KIF4A: variants seen among roughly 807,000 people sequenced by gnomAD.
KIF4A encodes chromosome-associated kinesin KIF4A.
A neutral mutation model predicts 105.9 loss-of-function variants in KIF4A; 7 were observed. The observed-to-expected ratio is 0.07, with a 90% CI of 0.04 to 0.12. The LOEUF (loss-of-function observed/expected upper bound fraction) is 0.12, where lower values mean the gene tolerates loss of function less well. Ranked by LOEUF, KIF4A falls within the 10% of genes least tolerant of loss-of-function variation. The probability of loss-of-function intolerance (pLI) is 1.00; values close to 1 mark genes in which losing one functional copy is unlikely to be tolerated. For missense variants in KIF4A, 558 were observed against 929.2 expected (o/e 0.60, Z 5.19); for synonymous variants, 281 against 331.3 (o/e 0.85, Z 1.65).
chrX:70,291,938 G>A (rs12558008), intron 3 of KIF4A, among the ~76,000 whole-genome samples: 2 of 111,640 alleles, frequency 1.8e-5, no homozygotes, highest in African/African-American at 6.5e-5. Context: ...CCTTCTTCTA[G>A]GCAACAGCTA....
chrX:70,338,388 G>A (rs972845165), intron 10 of KIF4A, among the ~76,000 whole-genome samples: 2 of 111,946 alleles, frequency 1.8e-5, no homozygotes, highest in Admixed American at 9.4e-5. Context: ...TAGACATTTC[G>A]TATACATGGA....
intron 20 of KIF4A, among the ~76,000 whole-genome samples, chrX:70,391,673 A>G (rs2086237968): frequency 9.1e-6 from 1 of 110,489 alleles, no homozygotes; most frequent in African/African-American, 3.3e-5. Flanking sequence ...TACATGGGTA[A>G]ATGGCATGTT....
intron 28 of KIF4A, among the ~76,000 whole-genome samples, chrX:70,411,093 G>T (rs1199789709): frequency 9.0e-6 from 1 of 111,490 alleles, no homozygotes; most frequent in Non-Finnish European, 1.9e-5. Flanking sequence ...GTCACATTTG[G>T]CAGAAAAGAG....
chrX:70,353,492 G>A (rs1205915867), intron 14 of KIF4A, 130 bp from the exon 15 acceptor site: 13 of 534,548 alleles, frequency 2.4e-5, no homozygotes, highest in Non-Finnish European at 3.3e-5. Context: ...ACAAATGTAT[G>A]CAGAGCCACT....
chrX:70,339,151 T>A (rs1025478419), intron 10 of KIF4A, among the ~76,000 whole-genome samples: 6 of 111,349 alleles, frequency 5.4e-5, no homozygotes, highest in Non-Finnish European at 1.1e-4. Flanking sequence ...TGTCGTTTTA[T>A]GTTTTACATT....
At chrX:70,309,183 G>A (rs2085839380) in intron 7 of KIF4A, among the ~76,000 whole-genome samples, 1 of 111,984 alleles carries the variant, frequency 8.9e-6, no homozygotes, top group Admixed American at 9.4e-5. Context: ...ACACCAAAAT[G>A]TCTGCCTCTT....
intron 7 of KIF4A, among the ~76,000 whole-genome samples, chrX:70,312,701 C>T (rs773537815): frequency 1.7e-4 from 19 of 111,628 alleles, no homozygotes; most frequent in African/African-American, 5.8e-4. Flanking sequence ...ATAACTATGT[C>T]TCATTTATTT....
intron 28 of KIF4A, 102 bp downstream of exon 28, chrX:70,407,177 G>A (rs1435647777): frequency 4.5e-6 from 4 of 890,830 alleles, no homozygotes; most frequent in South Asian, 2.7e-5. Context: ...GTGCATTCTC[G>A]GCTCACTGCA....
chrX:70,363,293 T>C (rs920642226), intron 15 of KIF4A, among the ~76,000 whole-genome samples: 4 of 110,774 alleles, frequency 3.6e-5, no homozygotes, highest in African/African-American at 1.3e-4. Context: ...GTGCACAACA[T>C]GCAGCTTTGT....
intron 25 of KIF4A, 138 bp from the exon 26 acceptor site, chrX:70,405,690 G>C: frequency 4.2e-6 from 2 of 475,488 alleles, no homozygotes; most frequent in Non-Finnish European, 7.6e-6. Context: ...CATTTTTCTG[G>C]GTGCCAGTGC....
intron 7 of KIF4A, among the ~76,000 whole-genome samples, chrX:70,304,073 A>C (rs1330886978): frequency 1.3e-5 from 1 of 77,691 alleles, no homozygotes; most frequent in Non-Finnish European, 2.5e-5. Context: ...ATATCTCCTA[A>C]TGCTATCCCT....
chrX:70,303,004 C>T (rs1034693681), intron 7 of KIF4A, among the ~76,000 whole-genome samples: 4 of 111,863 alleles, frequency 3.6e-5, no homozygotes, highest in African/African-American at 1.3e-4. Flanking sequence ...CTTGCTAAAT[C>T]CAGATACACC....
At chrX:70,374,496 A>G in intron 16 of KIF4A, among the ~76,000 whole-genome samples, 1 of 112,077 alleles carries the variant, frequency 8.9e-6, no homozygotes, top group Non-Finnish European at 1.9e-5. Flanking sequence ...TTAGGCAGTA[A>G]TTGTGTTAAG....
chrX:70,388,499 C>T (rs1280733602), intron 20 of KIF4A, among the ~76,000 whole-genome samples: 6 of 111,832 alleles, frequency 5.4e-5, no homozygotes, highest in Non-Finnish European at 9.4e-5. Context: ...TACCATTTTA[C>T]ATTCCTACTA....
At chrX:70,365,794 A>T (rs1280426466) in intron 15 of KIF4A, among the ~76,000 whole-genome samples, 6 of 111,477 alleles carry the variant, frequency 5.4e-5, no homozygotes, top group African/African-American at 2.0e-4. Context: ...TTTTCTATTG[A>T]TTGGAATAGT....
rs141326559 is a variant in KIF4A at position 70,290,520 on chromosome X, C to A, written c.62C>A (p.Pro21His). ...RVALRCRPLVPKEISEGCQMC... is the reference protein window; with the variant it reads ...RVALRCRPLVHKEISEGCQMC... The stretch of plus-strand genomic sequence containing the variant: ...GCGCTGCGTTGTCGCCCTCTGGTCC[C>A]CAAAGAGATTAGCGAGGGCTGCCAG... The change falls in exon 2 of 31, where the codon CCC (proline) becomes CAC (histidine). Residue 21 changes from proline to histidine, a missense_variant. Physicochemically the swap from Pro to His is moderately conservative, Grantham distance 77. Coordinates refer to ENST00000374403, the MANE Select transcript of KIF4A (RefSeq NM_012310.5). The A allele has an allele frequency of 5.8e-6, 7 of 1,209,872 alleles. No homozygotes were observed. In the African/African-American group the frequency reaches 1.1e-4, roughly 18 times the overall value.
intron 18 of KIF4A, among the ~76,000 whole-genome samples, chrX:70,384,801 A>G (rs1041485104): frequency 4.5e-5 from 5 of 110,570 alleles, no homozygotes; most frequent in African/African-American, 1.6e-4. Context: ...GAATATATAG[A>G]AAAAGAAGGC....
At chrX:70,328,077 G>A (rs1183596792) in intron 7 of KIF4A, among the ~76,000 whole-genome samples, 1 of 111,835 alleles carries the variant, frequency 8.9e-6, no homozygotes, top group Admixed American at 9.5e-5. Context: ...TCGAGTTCAG[G>A]ATCTCATAAA....
intron 20 of KIF4A, among the ~76,000 whole-genome samples, chrX:70,389,549 A>G (rs2086230520): frequency 8.9e-6 from 1 of 112,944 alleles, no homozygotes; most frequent in East Asian, 2.8e-4. Flanking sequence ...CCTGGGTGAT[A>G]GAGCGAGGCT....
Sources: gnomAD v4.1 joint callset for allele counts (sites outside exome capture counted in the v4.1 genomes callset) on GRCh38, gnomAD v4.1.1 for gene constraint, MANE v1.5 for transcripts, NCBI Gene and HGNC (gene_info 2026-07-23, HGNC 2026-07-21) for gene names.